Variants in COL4A3 observed in about 807,000 individuals in gnomAD.
COL4A3 encodes collagen type IV alpha 3 chain, also known as collagen alpha-3(IV) chain.
In COL4A3, 135 loss-of-function variants were observed where a neutral mutation model predicts 217.4. That is an observed-to-expected ratio of 0.62 (90% CI 0.54 to 0.72). The LOEUF (loss-of-function observed/expected upper bound fraction) is 0.72. Ranked by LOEUF, COL4A3 falls within the 30% of genes least tolerant of loss-of-function variation. The pLI is 0.00. For missense variants in COL4A3, 1,868 were observed against 2,119.9 expected (o/e 0.88, Z 2.33); for synonymous variants, 690 against 736.3 (o/e 0.94, Z 1.02).
At chr2:227,279,554 T>C (rs2071811822) in intron 28 of COL4A3, 2 of 513,934 alleles carry the variant, frequency 3.9e-6, no homozygotes, top group Non-Finnish European at 6.9e-6. Flanking sequence ...GTTTGAAGAA[T>C]TGCTGAATCA....
rs1381056489 is a variant in COL4A3 at position 227,244,960 on chromosome 2, G to A, written c.289G>A (p.Gly97Arg). The A allele has an allele frequency of 1.2e-6, 2 of 1,612,564 alleles. No homozygotes were observed. Among genetic ancestry groups the A allele is most frequent in the Non-Finnish European group, 1.7e-6 (2 of 1,179,358 alleles). ...TGSKGVRGISGLPGFSGSPGL... is the reference protein window; with the variant it reads ...TGSKGVRGISRLPGFSGSPGL... ...TTTCCTATGTCTTCAGGGAATAAGT[G>A]GATTGCCAGGATTTTCTGGTTCTCC... Residue 97 changes from glycine (G) to arginine (R), a missense_variant, in exon 5 of 52, where the codon GGA becomes AGA. Around this residue, in one of 2 missense-constraint regions of COL4A3, gnomAD observed 365 missense variants for 333.8 expected, o/e 1.09. Coordinates refer to ENST00000396578, the MANE Select transcript of COL4A3 (RefSeq NM_000091.5).
intron 34 of COL4A3, among the ~76,000 whole-genome samples, chr2:227,285,304 A>AT (rs66901419): frequency 6.7e-6 from 1 of 149,916 alleles, no homozygotes; most frequent in Non-Finnish European, 1.5e-5. Flanking sequence ...AAAAAAAAAA[A>AT]TTTGCACAGG....
intron 1 of COL4A3, among the ~76,000 whole-genome samples, chr2:227,192,121 A>T (rs1447794213): frequency 1.3e-5 from 2 of 152,238 alleles, no homozygotes; most frequent in East Asian, 1.9e-4. Context: ...TTTGACACAG[A>T]GTATAAACGG....
Position 227,282,972 on chromosome 2 carries a change from T to C in COL4A3, c.2656+440T>C, listed in dbSNP as rs934049907. ...ACGCTCTTTAAACATTTGGTAGAAT[T>C]CACCAGTGAAGTTATCTGGGTCTGG... On this transcript the variant is annotated intron_variant, in intron 32 of 51. Coordinates refer to ENST00000396578, the MANE Select transcript of COL4A3 (RefSeq NM_000091.5). The surrounding 1 kb of genome is among the most constrained non-coding windows in gnomAD (Gnocchi z 4.4). Among the ~76,000 whole-genome samples the C allele has an allele frequency of 6.6e-6, 1 of 152,204 alleles. No homozygotes were observed. Among genetic ancestry groups the C allele is most frequent in the African/African-American group, 2.4e-5 (1 of 41,456 alleles).
intron 1 of COL4A3, among the ~76,000 whole-genome samples, chr2:227,215,394 C>T (rs2125802423): frequency 6.6e-6 from 1 of 152,134 alleles, no homozygotes; most frequent in East Asian, 1.9e-4. Context: ...CTGTAATATT[C>T]CACTGTATTG....
intron 1 of COL4A3, among the ~76,000 whole-genome samples, chr2:227,185,439 G>A (rs549797678): frequency 2.0e-5 from 3 of 152,162 alleles, no homozygotes; most frequent in Admixed American, 6.5e-5. Context: ...CCTTTTAGCT[G>A]TATGAGAAGA....
chr2:227,243,437 C>T (rs2125901817), intron 3 of COL4A3, among the ~76,000 whole-genome samples: 1 of 152,276 alleles, frequency 6.6e-6, no homozygotes, highest in Non-Finnish European at 1.5e-5. Context: ...GTAAAACCTG[C>T]AAGTAAAACC....
intron 1 of COL4A3, among the ~76,000 whole-genome samples, chr2:227,215,179 A>T (rs2067480274): frequency 6.6e-6 from 1 of 152,054 alleles, no homozygotes; most frequent in African/African-American, 2.4e-5. Flanking sequence ...ATGAAAAGTC[A>T]TTATCGTTTT....
chr2:227,297,871 A>G lies in COL4A3; in HGVS notation c.3751+12A>G. 6.4e-7 allele frequency: 1 copy of G among 1,552,884 alleles called. No homozygotes were observed. Among genetic ancestry groups the G allele is most frequent in the Non-Finnish European group, 8.7e-7 (1 of 1,147,480 alleles). On this transcript the variant is annotated intron_variant, in intron 42 of 51. Coordinates refer to ENST00000396578, the MANE Select transcript of COL4A3 (RefSeq NM_000091.5). ...AAGAGGAAGCCCAGGTAAAGGGTTT[A>G]CTTTTAAACAGCATAAAATAACAAA...
intron 1 of COL4A3, among the ~76,000 whole-genome samples, chr2:227,224,999 C>G (rs1173039643): frequency 6.6e-6 from 1 of 152,182 alleles, no homozygotes; most frequent in Non-Finnish European, 1.5e-5. Context: ...GTGGCCTCAA[C>G]CTCCTGGGCT....
Position 227,299,268 on chromosome 2 carries a change from G to A in COL4A3, c.3882+456G>A, listed in dbSNP as rs190332348. 2.8e-3 allele frequency among the ~76,000 whole-genome samples: 430 copies of A among 152,296 alleles called. 5 individuals carry two copies. The highest frequency in any genetic ancestry group is 0.024 in the South Asian group (115 of 4,818). ...AAATTAGCTGGGCGTGGAGGCAGGC[G>A]CCTGTAGTCCCAGCTACTCAGGAGG... is the stretch of plus-strand genomic sequence containing the variant. On this transcript the variant is annotated intron_variant, in intron 43 of 51. Coordinates refer to ENST00000396578, the MANE Select transcript of COL4A3 (RefSeq NM_000091.5).
rs1559819291 is a variant in COL4A3, at chr2:227,202,772, TCACA to T, written c.88-35195_88-35192del. ...ATATATATATATATATATATATATA[TCACA>T]TATATATACACATGTGTATATATAT... On this transcript the variant is annotated intron_variant, in intron 1 of 51. Coordinates refer to ENST00000396578, the MANE Select transcript of COL4A3 (RefSeq NM_000091.5). 4.4e-4 allele frequency among the ~76,000 whole-genome samples: 54 copies of T among 122,484 alleles called. 2 individuals carry two copies. The highest frequency in any genetic ancestry group is 8.0e-4 in the Non-Finnish European group (45 of 56,214). 80.4% of individuals were successfully genotyped at this position (122,484 alleles called of 152,430 possible). A position where few individuals can be genotyped will look rare whatever the true frequency, so the allele number is the denominator to read the frequency against.
chr2:227,267,151 A>T, intron 23 of COL4A3, 63 bp downstream of exon 23: 1 of 1,177,510 alleles, frequency 8.5e-7, no homozygotes, highest in East Asian at 2.3e-5. Flanking sequence ...CTGGAAGAAA[A>T]TAAAGGCATT....
At chr2:227,240,456 T>C (rs547010818) in intron 3 of COL4A3, among the ~76,000 whole-genome samples, 3 of 152,274 alleles carry the variant, frequency 2.0e-5, no homozygotes, top group African/African-American at 7.2e-5. Context: ...CCAGTTCATC[T>C]CCCTCCCTAA....
At chr2:227,299,964 T>C (rs1052094571) in intron 43 of COL4A3, among the ~76,000 whole-genome samples, 6 of 152,244 alleles carry the variant, frequency 3.9e-5, no homozygotes, top group Admixed American at 1.3e-4. Flanking sequence ...TAAATGCCTA[T>C]TTATTTTCTG....
At chr2:227,276,356 C>T (rs1188701173) in intron 26 of COL4A3, 29 bp from the exon 27 acceptor site, 7 of 1,523,150 alleles carry the variant, frequency 4.6e-6, no homozygotes, top group Middle Eastern at 1.7e-4. Flanking sequence ...AATATATACC[C>T]CAATCTTATG....
chr2:227,208,408 A>T (rs2067182188), intron 1 of COL4A3, among the ~76,000 whole-genome samples: 1 of 152,162 alleles, frequency 6.6e-6, no homozygotes, highest in Non-Finnish European at 1.5e-5. Context: ...GACATTTTGT[A>T]GACCCTGCAC....
chr2:227,246,890 A>G, intron 7 of COL4A3, 152 bp downstream of exon 7: 1 of 758,748 alleles, frequency 1.3e-6, no homozygotes, highest in Non-Finnish European at 2.4e-6. Flanking sequence ...GAATGGATGA[A>G]TACATGCATT....
chr2:227,219,386 T>C (rs1170896243), intron 1 of COL4A3, among the ~76,000 whole-genome samples: 1 of 152,156 alleles, frequency 6.6e-6, no homozygotes. Context: ...TCTTAGAGCC[T>C]TTTCCACTTA....
Sources: gnomAD v4.1 joint callset for allele counts (sites outside exome capture counted in the v4.1 genomes callset) on GRCh38, gnomAD v4.1.1 for gene constraint, gnomAD v4.1.1 regional missense constraint, Gnocchi (gnomAD v3.1) non-coding constraint, MANE v1.5 for transcripts, NCBI Gene and HGNC (gene_info 2026-07-23, HGNC 2026-07-21) for gene names.